The following BCL11B variants were observed in gnomAD, a reference collection of about 807,000 sequenced individuals.
BCL11B encodes the protein BCL11 transcription factor B.
BCL11B carries 8 observed loss-of-function variants against 49.9 expected under a neutral mutation model. The ratio of observed to expected loss-of-function variants is 0.16; its 90% CI spans 0.09 to 0.29. BCL11B has a LOEUF of 0.29. Ranked by LOEUF, BCL11B falls within the 10% of genes least tolerant of loss-of-function variation. The pLI, the probability that BCL11B is intolerant of heterozygous loss-of-function variation, is 1.00. For synonymous variants in BCL11B, 739 were observed against 637.4 expected, an observed-to-expected ratio of 1.16 and a Z score of -2.40; for missense variants, 1,006 against 1,351.0, an observed-to-expected ratio of 0.74 and a Z score of 4.00.
intron 3 of BCL11B, among the ~76,000 whole-genome samples, chr14:99,198,714 G>C (rs1032710601): frequency 6.6e-6 from 1 of 151,904 alleles, no homozygotes; most frequent in Admixed American, 6.6e-5. Flanking sequence ...CGCACCTTCC[G>C]AAATGCACTG....
chr14:99,190,505 T>G (rs1331357894), intron 3 of BCL11B, among the ~76,000 whole-genome samples: 1 of 152,100 alleles, frequency 6.6e-6, no homozygotes, highest in Admixed American at 6.5e-5. Flanking sequence ...AATAAATAAA[T>G]ACTAATTTTT....
chr14:99,214,304 G>C (rs1887768128), intron 3 of BCL11B, among the ~76,000 whole-genome samples: 1 of 152,166 alleles, frequency 6.6e-6, no homozygotes, highest in South Asian at 2.1e-4. Flanking sequence ...TGTAATCCCA[G>C]TGTTTTGGGA....
rs142600683 is a variant in BCL11B at position 99,271,515 on chromosome 14, C to CA, written c.-298dup. 56,303 of 172,984 alleles carry CA rather than the reference C, an allele frequency of 0.33. 7,722 individuals are homozygous for CA. The highest frequency in any genetic ancestry group is 0.56 in the East Asian group (6,411 of 11,376). The allele number at this position is 172,984 out of a possible 1,614,324, so 10.7% of individuals were successfully genotyped here. A position where few individuals can be genotyped will look rare whatever the true frequency, so the allele number is the denominator to read the frequency against. Reference sequence around the variant, plus strand: ...CTCGATCTAAAATAAGAAAAAGAGGCAAAAAAAAAAAAAACTGCTGTTGCT... The same window carrying CA: ...CTCGATCTAAAATAAGAAAAAGAGGCAAAAAAAAAAAAAAACTGCTGTTGCT... On this transcript the variant is annotated 5_prime_UTR_variant, in exon 1 of 4. Transcript: ENST00000357195.
intron 3 of BCL11B, among the ~76,000 whole-genome samples, chr14:99,185,359 C>T (rs1284019842): frequency 6.6e-6 from 1 of 151,818 alleles, no homozygotes; most frequent in Admixed American, 6.6e-5. Context: ...ATTGCTTGAA[C>T]CCAGGAGGCG....
At chr14:99,226,500 G>A (rs537643468) in intron 3 of BCL11B, among the ~76,000 whole-genome samples, 4 of 152,214 alleles carry the variant, frequency 2.6e-5, no homozygotes, top group African/African-American at 7.2e-5. Context: ...ATCTCTGTCC[G>A]TATCACCGTT....
intron 3 of BCL11B, among the ~76,000 whole-genome samples, chr14:99,217,371 T>C (rs1595254898): frequency 1.4e-5 from 2 of 145,216 alleles, no homozygotes. Context: ...AGTACAAATA[T>C]ACACACACAT....
At chr14:99,208,138 G>T (rs544066805) in intron 3 of BCL11B, among the ~76,000 whole-genome samples, 2 of 152,308 alleles carry the variant, frequency 1.3e-5, no homozygotes, top group African/African-American at 2.4e-5. Flanking sequence ...TTGCAATGAG[G>T]AGTCTACTTT....
intron 3 of BCL11B, among the ~76,000 whole-genome samples, chr14:99,183,427 C>T (rs111299173): frequency 3.9e-5 from 6 of 152,252 alleles, no homozygotes; most frequent in African/African-American, 1.4e-4. Flanking sequence ...TGGTGACTCA[C>T]GCAAAGTTGC....
intron 2 of BCL11B, among the ~76,000 whole-genome samples, chr14:99,236,238 C>T (rs565772065): frequency 2.0e-5 from 3 of 152,034 alleles, no homozygotes; most frequent in African/African-American, 7.2e-5. Flanking sequence ...CCAATTCGCA[C>T]GCGGGCAAAT....
intron 2 of BCL11B, among the ~76,000 whole-genome samples, chr14:99,244,257 A>AGGTT (rs971099574): frequency 3.3e-5 from 5 of 152,138 alleles, no homozygotes; most frequent in African/African-American, 9.7e-5. Flanking sequence ...AGCCAACCAC[A>AGGTT]GGTTACCTGT....
In BCL11B at chr14:99,271,195, G is replaced by C; in HGVS notation, c.24C>G (p.Asn8Lys). The change falls in exon 1 of 4, where the codon AAC (asparagine) becomes AAG (lysine). Residue 8 changes from asparagine (N) to lysine (K), a missense_variant. By Grantham distance (94) the Asn-to-Lys change is moderately conservative. Transcript: ENST00000357195. Reference sequence around the variant, plus strand: ...GCTCCCTCTGGGACAAGTGCTGCGGGTTGCCCTGTTTGCGGCGGGACATTG... The same window carrying C: ...GCTCCCTCTGGGACAAGTGCTGCGGCTTGCCCTGTTTGCGGCGGGACATTG... Reference protein sequence around the residue: MSRRKQGNPQHLSQRELI... With the variant: MSRRKQGKPQHLSQRELI... 2 of 1,540,980 alleles carry C rather than the reference G, an allele frequency of 1.3e-6. No homozygotes were observed. The highest frequency in any genetic ancestry group is 1.7e-6 in the Non-Finnish European group (2 of 1,148,858).
chr14:99,217,385 GACACACACAC>G (rs112404818), intron 3 of BCL11B, among the ~76,000 whole-genome samples: 6 of 131,018 alleles, frequency 4.6e-5, no homozygotes, highest in South Asian at 2.3e-4. Context: ...CACACATACA[GACACACACAC>G]ACACACACAC....
intron 1 of BCL11B, among the ~76,000 whole-genome samples, chr14:99,260,393 C>T (rs538503764): frequency 1.3e-5 from 2 of 152,216 alleles, no homozygotes; most frequent in East Asian, 3.9e-4. Flanking sequence ...CTTCGGTTTA[C>T]TTTTTTGTTT....
rs1399073834 is a variant in BCL11B at position 99,210,707 on chromosome 14, G to A, written c.640+20638C>T. On this transcript the variant is annotated intron_variant, in intron 3 of 3. Coordinates refer to ENST00000357195, the MANE Select transcript of BCL11B (RefSeq NM_138576.4). ...GAGATTGAAGGTAGGGCTTCCCACT[G>A]GGGAATAAGGATGTCCCCAAAGCCA... 4.6e-5 allele frequency among the ~76,000 whole-genome samples: 7 copies of A among 152,146 alleles called. No homozygotes were observed. The East Asian group carries it at 1.2e-3, about 25-fold the overall frequency.
chr14:99,264,141 CG>C (rs5810934), intron 1 of BCL11B: 34,566 of 152,012 alleles, frequency 0.23, 5,234 homozygotes, highest in Non-Finnish European at 0.34. Context: ...TTCAAAGGTG[CG>C]GAAGAAAAGA....
intron 3 of BCL11B, among the ~76,000 whole-genome samples, chr14:99,219,600 G>A (rs1376072021): frequency 4.6e-5 from 7 of 152,030 alleles, no homozygotes; most frequent in South Asian, 4.2e-4. Flanking sequence ...GGGCCAAAGC[G>A]TGCACAGGAC....
intron 3 of BCL11B, among the ~76,000 whole-genome samples, chr14:99,200,788 G>T (rs2072443213): frequency 6.6e-6 from 1 of 152,204 alleles, no homozygotes; most frequent in African/African-American, 2.4e-5. Context: ...GAAGCTTCCA[G>T]AGGGCAGAGA....
At chr14:99,196,528 G>T (rs1887184146) in intron 3 of BCL11B, among the ~76,000 whole-genome samples, 1 of 119,072 alleles carries the variant, frequency 8.4e-6, no homozygotes, top group African/African-American at 3.2e-5. Context: ...TTCCCAGTGG[G>T]TTGAAAACCT....
chr14:99,250,539 T>C (rs766787627), intron 2 of BCL11B, among the ~76,000 whole-genome samples: 14 of 152,114 alleles, frequency 9.2e-5, no homozygotes, highest in Non-Finnish European at 2.1e-4. Flanking sequence ...CTTATTTCTA[T>C]AGATTATCAG....
Sources: allele counts gnomAD v4.1 joint callset (sites outside exome capture counted in the v4.1 genomes callset), GRCh38; gene constraint gnomAD v4.1.1; transcripts MANE v1.5; gene names NCBI Gene and HGNC (gene_info 2026-07-23, HGNC 2026-07-21).